Variants in CCDC171 observed in about 807,000 individuals in gnomAD.
The protein encoded by CCDC171 is coiled-coil domain containing 171, also known as coiled-coil domain-containing protein 171.
A neutral mutation model predicts 168.2 loss-of-function variants in CCDC171; 177 were observed. That is an observed-to-expected ratio of 1.05 (90% CI 0.93 to 1.19). The LOEUF is 1.19. Among genes scored for constraint, CCDC171 ranks in the 50% most tolerant of loss-of-function variants. The pLI is 0.00. For missense variants in CCDC171, 1,991 were observed against 1,539.0 expected, an observed-to-expected ratio of 1.29 and a Z score of -4.91; for synonymous variants, 687 against 540.8, an observed-to-expected ratio of 1.27 and a Z score of -3.75.
chr9:15,781,429 A>G (rs967502941), intron 20 of CCDC171, among the ~76,000 whole-genome samples: 2 of 152,006 alleles, frequency 1.3e-5, no homozygotes, highest in African/African-American at 4.8e-5. Context: ...ATTTTACCTT[A>G]TTTTTTGAGA....
chr9:15,799,471 A>G (rs1273877422), intron 21 of CCDC171, among the ~76,000 whole-genome samples: 1 of 150,922 alleles, frequency 6.6e-6, no homozygotes, highest in African/African-American at 2.4e-5. Flanking sequence ...TTAATTTTTA[A>G]TTTTTAATGT....
At chr9:15,768,419 C>G (rs1169026161) in intron 18 of CCDC171, among the ~76,000 whole-genome samples, 1 of 152,024 alleles carries the variant, frequency 6.6e-6, no homozygotes, top group African/African-American at 2.4e-5. Flanking sequence ...TTGCTGTGGT[C>G]TTAGCTCATT....
At chr9:16,087,383 C>T in the CCDC171 span, among the ~76,000 whole-genome samples, 1 of 152,084 alleles carries the variant, frequency 6.6e-6, no homozygotes, top group Non-Finnish European at 1.5e-5. Context: ...TTGTAGGTCT[C>T]TAAGAACTTG....
At chr9:15,573,959 C>G (rs1348399539) in intron 3 of CCDC171, among the ~76,000 whole-genome samples, 1 of 152,052 alleles carries the variant, frequency 6.6e-6, no homozygotes, top group Non-Finnish European at 1.5e-5. Context: ...CATTAGATTT[C>G]TCAGCAGAAC....
At chr9:16,073,699 T>A in the CCDC171 span, among the ~76,000 whole-genome samples, 1 of 152,168 alleles carries the variant, frequency 6.6e-6, no homozygotes, top group South Asian at 2.1e-4. Flanking sequence ...CAAATCGCGA[T>A]CTGGCAGCTG....
intron 9 of CCDC171, among the ~76,000 whole-genome samples, chr9:15,676,572 C>G (rs1587901186): frequency 6.6e-6 from 1 of 152,208 alleles, no homozygotes; most frequent in Non-Finnish European, 1.5e-5. Context: ...TGTACACAGT[C>G]ACCCAAGGAC....
chr9:16,031,482 C>CA lies in CCDC171; in HGVS notation n.999-3974dup, dbSNP rs139541840. On this transcript the variant is annotated intron_variant and non_coding_transcript_variant, in intron 6 of 9. Coordinates refer to the CCDC171 transcript ENST00000486641. Reference sequence around the variant, plus strand: ...GGCAATAATCTAGCCACACTAGAGTCACAGTGTTTACTGTGATATGCTAAA... The same window carrying CA: ...GGCAATAATCTAGCCACACTAGAGTCAACAGTGTTTACTGTGATATGCTAAA... Among the ~76,000 whole-genome samples, 218 of 152,332 alleles carry CA rather than the reference C, an allele frequency of 1.4e-3. 4 individuals carry two copies. The East Asian group carries it at 0.038, about 27-fold the overall frequency.
chr9:15,676,313 T>G (rs1320232690), intron 9 of CCDC171, among the ~76,000 whole-genome samples: 1 of 152,152 alleles, frequency 6.6e-6, no homozygotes, highest in Admixed American at 6.6e-5. Flanking sequence ...TTGTGATGGG[T>G]TAGAACATGC....
chr9:15,869,159 G>A lies in CCDC171; in HGVS notation c.3469-5373G>A, dbSNP rs549025207. Among the ~76,000 whole-genome samples the A allele has an allele frequency of 3.3e-5, 5 of 152,030 alleles. No individual in the cohort carries two copies. The South Asian group carries it at 6.2e-4, about 19-fold the overall frequency. ...CCATGGATATGGAACCCACAAATAT[G>A]GGGGGCCAACTGAACTTTGAAAAGT... is the stretch of plus-strand genomic sequence containing the variant. On this transcript the variant is annotated intron_variant, in intron 23 of 25. Transcript: ENST00000380701.
chr9:16,028,758 T>C (rs2133036753), intron 6 of CCDC171, among the ~76,000 whole-genome samples: 1 of 152,310 alleles, frequency 6.6e-6, no homozygotes, highest in Non-Finnish European at 1.5e-5. Context: ...CCCAAGGCTG[T>C]GCTTCCCGTG....
intron 11 of CCDC171, among the ~76,000 whole-genome samples, chr9:15,708,862 G>C (rs1322703724): frequency 6.6e-6 from 1 of 152,158 alleles, no homozygotes; most frequent in Non-Finnish European, 1.5e-5. Flanking sequence ...TGATCTTAGA[G>C]GGAGTTTTAT....
At chr9:15,612,830 C>T (rs1174361735) in intron 6 of CCDC171, among the ~76,000 whole-genome samples, 1 of 152,022 alleles carries the variant, frequency 6.6e-6, no homozygotes, top group African/African-American at 2.4e-5. Flanking sequence ...GAGTTCTTAC[C>T]TGTCTTACTA....
chr9:16,101,859 G>A, the CCDC171 span, among the ~76,000 whole-genome samples: 1 of 152,196 alleles, frequency 6.6e-6, no homozygotes, highest in East Asian at 1.9e-4. Flanking sequence ...CTGGGAAGAA[G>A]CCCCAAGCCT....
intron 16 of CCDC171, among the ~76,000 whole-genome samples, chr9:15,743,489 T>C (rs1054355465): frequency 6.6e-6 from 1 of 152,146 alleles, no homozygotes; most frequent in African/African-American, 2.4e-5. Context: ...TTTTACTCTT[T>C]CTTTCAAGAT....
At chr9:16,105,599 G>A in the CCDC171 span, among the ~76,000 whole-genome samples, 1 of 152,214 alleles carries the variant, frequency 6.6e-6, no homozygotes, top group Non-Finnish European at 1.5e-5. Flanking sequence ...CCCGTCACGG[G>A]CCTCTCTGCA....
intron 16 of CCDC171, among the ~76,000 whole-genome samples, chr9:15,738,637 A>G (rs541895853): frequency 6.6e-6 from 1 of 152,120 alleles, no homozygotes; most frequent in South Asian, 2.1e-4. Flanking sequence ...TTTTTAAAGC[A>G]AATTTGCTCT....
At position 15,874,462 on chromosome 9, in the gene CCDC171, G is replaced by A. The variant is rs532898903; in HGVS notation, c.3469-70G>A. On this transcript the variant is annotated intron_variant, in intron 23 of 25. Coordinates refer to ENST00000380701, the MANE Select transcript of CCDC171 (RefSeq NM_173550.4). ...ATGCAAGTCCACTCAGTGGGCTCAA[G>A]GGGACCCAGTTCATCCCAGTTAATG... 1.1e-5 allele frequency: 16 copies of A among 1,396,256 alleles called. No homozygotes were observed. The East Asian group carries it at 3.9e-4, about 34-fold the overall frequency. 86.5% of individuals were successfully genotyped at this position (1,396,256 alleles called of 1,614,324 possible).
chr9:15,577,365 G>C (rs2040752948), intron 3 of CCDC171, among the ~76,000 whole-genome samples: 1 of 151,996 alleles, frequency 6.6e-6, no homozygotes, highest in South Asian at 2.1e-4. Context: ...ATCAATACTG[G>C]CATCATAGTT....
chr9:15,843,524 A>G (rs558268316), intron 21 of CCDC171, among the ~76,000 whole-genome samples: 7 of 152,176 alleles, frequency 4.6e-5, no homozygotes, highest in South Asian at 2.1e-4. Context: ...TAAGTGAAAT[A>G]TCTCAAGGCT....
Sources: gnomAD v4.1 joint callset for allele counts (sites outside exome capture counted in the v4.1 genomes callset) on GRCh38, gnomAD v4.1.1 for gene constraint, MANE v1.5 for transcripts, NCBI Gene and HGNC (gene_info 2026-07-23, HGNC 2026-07-21) for gene names.